KHDRBS2: variants seen among roughly 807,000 people sequenced by gnomAD.
KHDRBS2 encodes the protein KH RNA binding domain containing, signal transduction associated 2.
A neutral mutation model predicts 44.3 loss-of-function variants in KHDRBS2; 26 were observed. The observed-to-expected ratio is 0.59, with a 90% CI of 0.43 to 0.81. The LOEUF is 0.81. KHDRBS2 is among the 40% of genes least tolerant of loss of function. The probability of loss-of-function intolerance (pLI) is 0.00; values close to 1 mark genes in which losing one functional copy is unlikely to be tolerated. For missense variants in KHDRBS2, 476 were observed against 433.1 expected (o/e 1.10, Z -0.88); for synonymous variants, 194 against 151.1 (o/e 1.28, Z -2.08).
At chr6:62,250,046 T>C (rs1836263455) in intron 1 of KHDRBS2, among the ~76,000 whole-genome samples, 1 of 152,086 alleles carries the variant, frequency 6.6e-6, no homozygotes, top group African/African-American at 2.4e-5. Flanking sequence ...AAAAATACTT[T>C]CGTATGCTTT....
intron 1 of KHDRBS2, among the ~76,000 whole-genome samples, chr6:62,194,130 C>T (rs140288280): frequency 9.4e-4 from 143 of 152,108 alleles, no homozygotes; most frequent in African/African-American, 3.3e-3. Flanking sequence ...CGTGTCATAT[C>T]TAAGAAACCA....
At chr6:61,723,466 T>C (rs1773034810) in intron 7 of KHDRBS2, among the ~76,000 whole-genome samples, 1 of 151,888 alleles carries the variant, frequency 6.6e-6, no homozygotes, top group African/African-American at 2.4e-5. Context: ...TGTAAAACAA[T>C]TGCAAAGAAG....
chr6:61,985,641 T>G, intron 3 of KHDRBS2, among the ~76,000 whole-genome samples: 1 of 152,178 alleles, frequency 6.6e-6, no homozygotes, highest in Admixed American at 6.5e-5. Context: ...CAGCTCAAGT[T>G]GGACCTCGTT....
chr6:61,855,318 T>A (rs567760), intron 6 of KHDRBS2, among the ~76,000 whole-genome samples: 87,084 of 151,742 alleles, frequency 0.57, 25,165 homozygotes, highest in South Asian at 0.68. Context: ...AAATACATAG[T>A]CTTTTGAAAC....
At chr6:61,963,634 A>C (rs1380907624) in intron 4 of KHDRBS2, among the ~76,000 whole-genome samples, 1 of 152,066 alleles carries the variant, frequency 6.6e-6, no homozygotes, top group Admixed American at 6.6e-5. Flanking sequence ...ACTCTGTGAA[A>C]TAAGTGTTCC....
the KHDRBS2 span, among the ~76,000 whole-genome samples, chr6:61,662,631 C>CA: frequency 6.6e-6 from 1 of 151,858 alleles, no homozygotes. Context: ...TTTATGCAGC[C>CA]AAAAAACACA....
intron 4 of KHDRBS2, among the ~76,000 whole-genome samples, chr6:61,945,150 TAC>T (rs1554284675): frequency 5.7e-5 from 5 of 86,986 alleles, no homozygotes; most frequent in Non-Finnish European, 1.1e-4. Context: ...TATATATATA[TAC>T]ACACAGACTT....
intron 4 of KHDRBS2, among the ~76,000 whole-genome samples, chr6:61,971,206 G>A (rs149361233): frequency 7.4e-4 from 112 of 152,136 alleles, no homozygotes; most frequent in Middle Eastern, 3.4e-3. Context: ...AAAGACTGGC[G>A]TGGAGTGAAT....
chr6:62,138,919 T>C (rs1176073804), intron 2 of KHDRBS2, among the ~76,000 whole-genome samples: 1 of 152,220 alleles, frequency 6.6e-6, no homozygotes, highest in Non-Finnish European at 1.5e-5. Context: ...TTGGTTATTT[T>C]AAATTATTCC....
intron 4 of KHDRBS2, among the ~76,000 whole-genome samples, chr6:61,972,416 T>C (rs1258085652): frequency 6.6e-6 from 1 of 152,178 alleles, no homozygotes; most frequent in East Asian, 1.9e-4. Flanking sequence ...CATAGTGCTA[T>C]AGCACTATAG....
rs974563537 is a variant in KHDRBS2 at position 62,057,761 on chromosome 6, G to A, written c.220-9767C>T. 8.6e-5 allele frequency among the ~76,000 whole-genome samples: 13 copies of A among 151,972 alleles called. No homozygotes were observed. In the East Asian group the frequency reaches 1.4e-3, roughly 16 times the overall value. On this transcript the variant is annotated intron_variant, in intron 2 of 8. Transcript: ENST00000281156. ...TAATTTCAAGGTATTTTATTCACACGTGTTTAAGACAATTAAATTTGTATA... is the reference window on the plus strand; with the variant it reads ...TAATTTCAAGGTATTTTATTCACACATGTTTAAGACAATTAAATTTGTATA...
intron 2 of KHDRBS2, among the ~76,000 whole-genome samples, chr6:62,107,834 A>G (rs1245309301): frequency 6.6e-6 from 1 of 152,072 alleles, no homozygotes; most frequent in Non-Finnish European, 1.5e-5. Flanking sequence ...AGAAAAACGA[A>G]CAATGGGGAA....
In KHDRBS2 at chr6:62,016,105, C is replaced by T. The variant is rs1212744974; in HGVS notation, c.336+31773G>A. Among the ~76,000 whole-genome samples, 5 of 152,114 alleles carry T rather than the reference C, an allele frequency of 3.3e-5. 1 individual carries two copies. The highest frequency in any genetic ancestry group is 1.2e-4 in the African/African-American group (5 of 41,426). On this transcript the variant is annotated intron_variant, in intron 3 of 8. Coordinates refer to ENST00000281156, the MANE Select transcript of KHDRBS2 (RefSeq NM_152688.4). ...CTAAAGAGTCCTTCTCAAAAAGGCT[C>T]TTTCCTTTTTCTTTCACTTTTTTTC...
At chr6:61,876,890 A>G (rs1322823969) in intron 6 of KHDRBS2, among the ~76,000 whole-genome samples, 1 of 152,058 alleles carries the variant, frequency 6.6e-6, no homozygotes, top group Non-Finnish European at 1.5e-5. Context: ...CATTGCCGAA[A>G]TATGTTCCTT....
chr6:61,870,442 G>T (rs1394761380), intron 6 of KHDRBS2, among the ~76,000 whole-genome samples: 1 of 152,152 alleles, frequency 6.6e-6, no homozygotes, highest in East Asian at 1.9e-4. Flanking sequence ...AGCACCTGGG[G>T]GAAGGAGCGG....
chr6:61,684,416 T>C (rs140810264), intron 8 of KHDRBS2, among the ~76,000 whole-genome samples: 1,851 of 151,876 alleles, frequency 0.012, 12 homozygotes, highest in Non-Finnish European at 0.018. Flanking sequence ...GGAGTTTCTC[T>C]GAAATTTGAA....
chr6:61,616,031 A>G, the KHDRBS2 span, among the ~76,000 whole-genome samples: 1 of 152,168 alleles, frequency 6.6e-6, no homozygotes, highest in African/African-American at 2.4e-5. Context: ...GAATGTCACT[A>G]TTTCTGTTAA....
chr6:61,935,918 G>A (rs1454553705), intron 4 of KHDRBS2, among the ~76,000 whole-genome samples: 2 of 152,132 alleles, frequency 1.3e-5, no homozygotes, highest in South Asian at 2.1e-4. Flanking sequence ...CAATAATAAT[G>A]TTAAAATGGA....
chr6:61,875,771 A>C (rs2127309777), intron 6 of KHDRBS2, among the ~76,000 whole-genome samples: 1 of 152,174 alleles, frequency 6.6e-6, no homozygotes, highest in South Asian at 2.1e-4. Flanking sequence ...CATGTCCATA[A>C]TAGTTAATTT....
Sources: gnomAD v4.1 joint callset for allele counts (sites outside exome capture counted in the v4.1 genomes callset) on GRCh38, gnomAD v4.1.1 for gene constraint, MANE v1.5 for transcripts, NCBI Gene and HGNC (gene_info 2026-07-23, HGNC 2026-07-21) for gene names.